The following SLC24A2 variants were observed in gnomAD, a reference collection of about 807,000 sequenced individuals.
The protein encoded by SLC24A2 is solute carrier family 24 member 2, also known as sodium/potassium/calcium exchanger 2.
In SLC24A2, 36 loss-of-function variants were observed where a neutral mutation model predicts 62.0. The ratio of observed to expected loss-of-function variants is 0.58; its 90% confidence interval spans 0.44 to 0.77. The LOEUF (loss-of-function observed/expected upper bound fraction) is 0.77, where lower values mean the gene tolerates loss of function less well. SLC24A2 is among the 30% of genes least tolerant of loss of function. SLC24A2 has a pLI of 0.00. For synonymous variants in SLC24A2, 358 were observed against 294.0 expected, an observed-to-expected ratio of 1.22 and a Z score of -2.23; for missense variants, 846 against 817.9, an observed-to-expected ratio of 1.03 and a Z score of -0.42.
the SLC24A2 span, among the ~76,000 whole-genome samples, chr9:19,950,448 C>T: frequency 4.0e-5 from 6 of 151,440 alleles, no homozygotes; most frequent in African/African-American, 1.5e-4. Context: ...AGGAAATCTG[C>T]AAACTAACAT....
At chr9:20,304,371 G>A in the SLC24A2 span, among the ~76,000 whole-genome samples, 4 of 152,096 alleles carry the variant, frequency 2.6e-5, no homozygotes, top group Non-Finnish European at 5.9e-5. Flanking sequence ...TTTTTGAAGG[G>A]TAAAGAAGAT....
the SLC24A2 span, among the ~76,000 whole-genome samples, chr9:19,861,790 G>T: frequency 1.3e-5 from 2 of 151,980 alleles, no homozygotes; most frequent in African/African-American, 4.8e-5. Context: ...AATGCAGTTG[G>T]CATACTGAAG....
At chr9:19,544,205 C>A (rs951832110) in intron 8 of SLC24A2, among the ~76,000 whole-genome samples, 8 of 146,376 alleles carry the variant, frequency 5.5e-5, no homozygotes, top group African/African-American at 1.8e-4. Flanking sequence ...CTCTTTTGAT[C>A]TTTGTTGGTT....
chr9:19,823,303 G>A, the SLC24A2 span, among the ~76,000 whole-genome samples: 2 of 134,090 alleles, frequency 1.5e-5, no homozygotes, highest in Non-Finnish European at 3.0e-5. Flanking sequence ...AACATTGTGT[G>A]TGTGTGTGTG....
At chr9:19,884,921 T>TAG in the SLC24A2 span, among the ~76,000 whole-genome samples, 1 of 152,214 alleles carries the variant, frequency 6.6e-6, no homozygotes, top group Non-Finnish European at 1.5e-5. Context: ...TTTTTCAACT[T>TAG]ACGATGGATT....
chr9:20,181,368 G>GGT, the SLC24A2 span, among the ~76,000 whole-genome samples: 9 of 152,156 alleles, frequency 5.9e-5, 1 homozygote, highest in South Asian at 1.9e-3. Context: ...AAGAAGCGTG[G>GGT]TAGATGACTT....
intron 2 of SLC24A2, among the ~76,000 whole-genome samples, chr9:19,757,181 G>A (rs1216509021): frequency 6.6e-6 from 1 of 152,116 alleles, no homozygotes; most frequent in Non-Finnish European, 1.5e-5. Context: ...ATAACAGGTT[G>A]TAAATTCCTT....
At chr9:19,650,153 A>T (rs539691963) in intron 2 of SLC24A2, among the ~76,000 whole-genome samples, 1 of 152,228 alleles carries the variant, frequency 6.6e-6, no homozygotes, top group African/African-American at 2.4e-5. Flanking sequence ...CACCTGGTAA[A>T]TGCTCAACAA....
chr9:19,611,597 T>C (rs1187561273), intron 4 of SLC24A2, among the ~76,000 whole-genome samples: 1 of 152,002 alleles, frequency 6.6e-6, no homozygotes, highest in Non-Finnish European at 1.5e-5. Context: ...GTGATCTGAC[T>C]TACATTTTAG....
At position 19,550,187 on chromosome 9, in the gene SLC24A2, A is replaced by G. The variant is rs944987167; in HGVS notation, c.1429T>C (p.Phe477Leu). The G allele has an allele frequency of 2.5e-6, 4 of 1,614,062 alleles. No homozygotes were observed. Among genetic ancestry groups the G allele is most frequent in the South Asian group, 2.2e-5 (2 of 91,088 alleles). ...ATCCAGAGAGGAAACACTATGGGGAAAACAATCAGAAACGTGACTTGCTTG... is the reference window on the plus strand; with the variant it reads ...ATCCAGAGAGGAAACACTATGGGGAGAACAATCAGAAACGTGACTTGCTTG... ...TRKQVTFLIV[F>L]PIVFPLWITL... Residue 477 changes from phenylalanine (F) to leucine (L), a missense_variant, in exon 8 of 11, where the codon TTC (phenylalanine) becomes CTC (leucine). Physicochemically the swap from Phe to Leu is conservative, Grantham distance 22. Coordinates refer to ENST00000341998, the MANE Select transcript of SLC24A2 (RefSeq NM_020344.4).
chr9:19,775,756 G>A (rs992044113), intron 2 of SLC24A2, among the ~76,000 whole-genome samples: 1 of 152,144 alleles, frequency 6.6e-6, no homozygotes, highest in Non-Finnish European at 1.5e-5. Flanking sequence ...CCTTCCTCTA[G>A]GCAGCCACAG....
chr9:20,290,243 C>G, the SLC24A2 span, among the ~76,000 whole-genome samples: 1 of 152,152 alleles, frequency 6.6e-6, no homozygotes, highest in Non-Finnish European at 1.5e-5. Flanking sequence ...GTAGAAAACC[C>G]GATTTAATAC....
the SLC24A2 span, among the ~76,000 whole-genome samples, chr9:20,146,019 T>C: frequency 6.6e-6 from 1 of 152,120 alleles, no homozygotes; most frequent in Non-Finnish European, 1.5e-5. Context: ...TATAATATCT[T>C]TTATTTACCC....
At chr9:20,122,288 A>G in the SLC24A2 span, among the ~76,000 whole-genome samples, 1 of 152,186 alleles carries the variant, frequency 6.6e-6, no homozygotes, top group Non-Finnish European at 1.5e-5. Context: ...CTCCCTATAC[A>G]TCCGATAGTT....
At chr9:19,717,321 G>A (rs1820888031) in intron 2 of SLC24A2, among the ~76,000 whole-genome samples, 1 of 152,140 alleles carries the variant, frequency 6.6e-6, no homozygotes. Context: ...ATACACTAAG[G>A]TTCCACAGGA....
chr9:20,242,307 C>T, the SLC24A2 span, among the ~76,000 whole-genome samples: 3 of 152,174 alleles, frequency 2.0e-5, no homozygotes, highest in Non-Finnish European at 4.4e-5. Context: ...AAGAAACACT[C>T]GCCACTTAAA....
At chr9:19,812,081 C>T in the SLC24A2 span, among the ~76,000 whole-genome samples, 2 of 152,126 alleles carry the variant, frequency 1.3e-5, no homozygotes, top group African/African-American at 2.4e-5. Flanking sequence ...TCTTTCAATA[C>T]ACCATCTCAT....
intron 9 of SLC24A2, among the ~76,000 whole-genome samples, chr9:19,527,741 G>C (rs1055291680): frequency 6.6e-6 from 1 of 152,190 alleles, no homozygotes; most frequent in Non-Finnish European, 1.5e-5. Flanking sequence ...TACTGAACCA[G>C]GCAAAATCTT....
the SLC24A2 span, among the ~76,000 whole-genome samples, chr9:20,043,996 T>C: frequency 6.6e-6 from 1 of 152,138 alleles, no homozygotes; most frequent in Admixed American, 6.6e-5. Flanking sequence ...TTTTAAGAAA[T>C]TGCCAGAGCC....
Sources: gnomAD v4.1 joint callset for allele counts (sites outside exome capture counted in the v4.1 genomes callset) on GRCh38, gnomAD v4.1.1 for gene constraint, MANE v1.5 for transcripts, NCBI Gene and HGNC (gene_info 2026-07-23, HGNC 2026-07-21) for gene names.